The following LRRK2 variants were observed in gnomAD, a reference collection of about 807,000 sequenced individuals.
LRRK2 encodes the protein leucine rich repeat kinase 2.
A neutral mutation model predicts 302.6 loss-of-function variants in LRRK2; 203 were observed. That is an observed-to-expected ratio of 0.67 (90% CI 0.60 to 0.75). The LOEUF (loss-of-function observed/expected upper bound fraction) is 0.75. Ranked by LOEUF, LRRK2 falls within the 30% of genes least tolerant of loss-of-function variation. The pLI is 0.00. For synonymous variants in LRRK2, 1,066 were observed against 1,031.9 expected, an observed-to-expected ratio of 1.03 and a Z score of -0.63; for missense variants, 2,830 against 2,951.0, an observed-to-expected ratio of 0.96 and a Z score of 0.95.
chr12:40,272,598 G>A (rs1943277696), intron 14 of LRRK2, among the ~76,000 whole-genome samples: 2 of 152,128 alleles, frequency 1.3e-5, no homozygotes, highest in South Asian at 4.1e-4. Context: ...AGTCATATTA[G>A]TGTATGAAAT....
chr12:40,264,979 T>A (rs1334973901), intron 14 of LRRK2, among the ~76,000 whole-genome samples: 1 of 152,200 alleles, frequency 6.6e-6, no homozygotes, highest in Non-Finnish European at 1.5e-5. Flanking sequence ...TTAAAATAAT[T>A]AATGGAAATG....
intron 36 of LRRK2, 59 bp downstream of exon 36, chr12:40,322,240 A>AC: frequency 6.3e-7 from 1 of 1,583,590 alleles, no homozygotes; most frequent in Non-Finnish European, 8.6e-7. Flanking sequence ...AAACTTAAAA[A>AC]AAAAAAAAAC....
At chr12:40,366,959 T>A in intron 49 of LRRK2, 47 bp from the exon 50 acceptor site, 1 of 1,432,272 alleles carries the variant, frequency 7.0e-7, no homozygotes. Context: ...CAGGCCAGTT[T>A]AATATATAGT....
intron 2 of LRRK2, among the ~76,000 whole-genome samples, chr12:40,227,006 C>G (rs1491942): frequency 0.23 from 34,671 of 151,852 alleles, 4,238 homozygotes; most frequent in East Asian, 0.36. Context: ...CTATACTTGA[C>G]AACCCAGGGG....
chr12:40,308,551 C>G lies in LRRK2; in HGVS notation c.4044C>G (p.Thr1348=). Residue 1348 remains threonine, a synonymous_variant, in exon 29 of 51, where the codon ACC becomes ACG. Transcript: ENST00000298910. ...MIVGNTGSGK[T]TLLQQLMKTK... is the part of the protein sequence containing the mutation. ...TGGGAAATACTGGGAGTGGTAAAACCACCTTATTGCAGCAATTAATGAAAA... is the reference window on the plus strand; with the variant it reads ...TGGGAAATACTGGGAGTGGTAAAACGACCTTATTGCAGCAATTAATGAAAA... 6.2e-7 allele frequency: 1 copy of G among 1,613,908 alleles called. No individual in the cohort carries two copies. The highest frequency in any genetic ancestry group is 8.5e-7 in the Non-Finnish European group (1 of 1,179,944).
chr12:40,247,448 TA>T (rs1942033985), intron 7 of LRRK2, among the ~76,000 whole-genome samples: 1 of 148,778 alleles, frequency 6.7e-6, no homozygotes. Flanking sequence ...ATACTGTATA[TA>T]AAAATATGTA....
intron 12 of LRRK2, 105 bp downstream of exon 12, chr12:40,257,482 A>G: frequency 7.2e-7 from 1 of 1,387,742 alleles, no homozygotes; most frequent in Non-Finnish European, 1.0e-6. Context: ...GAAAAACATA[A>G]GACACTTGAA....
intron 35 of LRRK2, among the ~76,000 whole-genome samples, chr12:40,321,730 C>G (rs1253776848): frequency 1.3e-5 from 2 of 152,002 alleles, no homozygotes; most frequent in East Asian, 3.8e-4. Flanking sequence ...TTAGCATGAT[C>G]AAAAACTTCT....
At position 40,284,086 on chromosome 12, in the gene LRRK2, T is replaced by A; in HGVS notation, c.2453T>A (p.Leu818His). 1.2e-6 allele frequency: 2 copies of A among 1,612,920 alleles called. No individual in the cohort carries two copies. Among genetic ancestry groups the A allele is most frequent in the South Asian group, 1.1e-5 (1 of 90,918 alleles). ...FCIGKVEPSW[L>H]GPLFPDKTSN... ...ATAGGAAAAGTTGAACCTTCTTGGC[T>A]TGGTCCTTTATTTCCAGATAAGACT... is the stretch of plus-strand genomic sequence containing the variant. Residue 818 changes from leucine (L) to histidine (H), a missense_variant, in exon 19 of 51, where the codon CTT becomes CAT. Coordinates refer to ENST00000298910, the MANE Select transcript of LRRK2 (RefSeq NM_198578.4).
chr12:40,343,821 T>A (rs189535138), intron 41 of LRRK2, among the ~76,000 whole-genome samples: 1 of 152,290 alleles, frequency 6.6e-6, no homozygotes, highest in East Asian at 1.9e-4. Flanking sequence ...CACTTAATAG[T>A]GGCATGATGT....
intron 47 of LRRK2, 59 bp from the exon 48 acceptor site, chr12:40,363,343 C>T (rs978966430): frequency 2.0e-5 from 30 of 1,534,974 alleles, no homozygotes; most frequent in Admixed American, 6.8e-5. Context: ...TTGTATTACA[C>T]GTAGAAATTT....
chr12:40,269,484 T>C (rs1943147550), intron 14 of LRRK2, among the ~76,000 whole-genome samples: 1 of 152,126 alleles, frequency 6.6e-6, no homozygotes. Context: ...TAGAGGTCCC[T>C]GAGGGACTAC....
chr12:40,310,726 G>A, intron 31 of LRRK2, 77 bp downstream of exon 31: 1 of 1,421,864 alleles, frequency 7.0e-7, no homozygotes, highest in Non-Finnish European at 9.9e-7. Flanking sequence ...TTTGAGAAGT[G>A]AGCAACTCAC....
chr12:40,231,576 C>CAAAAAAAAAAAAAAAACAA (rs1941193253), intron 2 of LRRK2, among the ~76,000 whole-genome samples: 14 of 105,728 alleles, frequency 1.3e-4, no homozygotes, highest in East Asian at 5.8e-4. Flanking sequence ...AAAACAAAAC[C>CAAAAAAAAAAAAAAAACAA]AAAAAAAAAA....
chr12:40,253,465 A>C (rs1942369840), intron 11 of LRRK2, among the ~76,000 whole-genome samples: 1 of 152,126 alleles, frequency 6.6e-6, no homozygotes, highest in African/African-American at 2.4e-5. Context: ...GGCTCACTAC[A>C]ACCTCAAACT....
intron 41 of LRRK2, among the ~76,000 whole-genome samples, chr12:40,342,241 T>A (rs7957151): frequency 0.77 from 116,863 of 152,142 alleles, 45,732 homozygotes; most frequent in Non-Finnish European, 0.86. Context: ...TTCACCTTGG[T>A]TCAGACTCAT....
chr12:40,360,654 C>A (rs961050853), intron 47 of LRRK2, among the ~76,000 whole-genome samples: 1 of 152,122 alleles, frequency 6.6e-6, no homozygotes, highest in South Asian at 2.1e-4. Context: ...TCAGTGGTAT[C>A]CCATTGTCCT....
chr12:40,275,437 G>C (rs1181843355), intron 16 of LRRK2, among the ~76,000 whole-genome samples: 37 of 152,026 alleles, frequency 2.4e-4, no homozygotes, highest in Admixed American at 2.4e-3. Flanking sequence ...TTTAAAACAT[G>C]ATATATAATA....
chr12:40,300,598 C>T (rs1015216480), intron 25 of LRRK2, among the ~76,000 whole-genome samples: 10 of 152,192 alleles, frequency 6.6e-5, no homozygotes, highest in South Asian at 2.1e-4. Flanking sequence ...TCCTTTTCCG[C>T]GCCCTCCCTT....
Sources: gnomAD v4.1 joint callset for allele counts (sites outside exome capture counted in the v4.1 genomes callset) on GRCh38, gnomAD v4.1.1 for gene constraint, MANE v1.5 for transcripts, NCBI Gene and HGNC (gene_info 2026-07-23, HGNC 2026-07-21) for gene names.